Variants in KIF6 observed in about 807,000 individuals in gnomAD.
KIF6 encodes the protein kinesin-like protein KIF6.
KIF6 carries 106 observed loss-of-function variants against 112.7 expected under a neutral mutation model. The ratio of observed to expected loss-of-function variants is 0.94; its 90% CI spans 0.80 to 1.11. The LOEUF is 1.11. KIF6 is among the 50% of genes least tolerant of loss of function. KIF6 has a pLI of 0.00. For synonymous variants in KIF6, 339 were observed against 339.9 expected (o/e 1.00, Z 0.03); for missense variants, 929 against 964.0 (o/e 0.96, Z 0.48).
chr6:39,610,805 T>C (rs1216674387), intron 6 of KIF6, among the ~76,000 whole-genome samples: 1 of 152,156 alleles, frequency 6.6e-6, no homozygotes, highest in Non-Finnish European at 1.5e-5. Flanking sequence ...TGTAACATGG[T>C]AATTATTATT....
At chr6:39,631,649 G>T (rs1282535030) in intron 5 of KIF6, among the ~76,000 whole-genome samples, 1 of 150,766 alleles carries the variant, frequency 6.6e-6, no homozygotes, top group East Asian at 1.9e-4. Context: ...GGATTCAATT[G>T]TCAATATTTT....
chr6:39,409,256 C>T (rs1414598884), intron 15 of KIF6, among the ~76,000 whole-genome samples: 2 of 152,224 alleles, frequency 1.3e-5, no homozygotes, highest in East Asian at 3.9e-4. Context: ...TATCTCTGTC[C>T]AAGCATTGAC....
In KIF6 at chr6:39,603,612, G is replaced by T. The variant is rs1410451441; in HGVS notation, c.640-7352C>A. Among the ~76,000 whole-genome samples the T allele has an allele frequency of 3.3e-5, 5 of 151,550 alleles. No individual in the cohort carries two copies. In the South Asian group the frequency reaches 6.2e-4, roughly 19 times the overall value. On this transcript the variant is annotated intron_variant, in intron 6 of 22. Transcript: ENST00000287152. ...ATAATTCTGATTTGGGGGCAAAAAA[G>T]AATTTTTTTCTTTTTTCTCTTCCTA...
chr6:39,644,515 A>G (rs561622209), intron 3 of KIF6, among the ~76,000 whole-genome samples: 1 of 152,322 alleles, frequency 6.6e-6, no homozygotes, highest in African/African-American at 2.4e-5. Flanking sequence ...TGCTACAATA[A>G]GGATAAAACT....
intron 10 of KIF6, among the ~76,000 whole-genome samples, chr6:39,555,756 CA>C (rs1185027130): frequency 1.3e-5 from 2 of 151,738 alleles, no homozygotes; most frequent in Non-Finnish European, 1.5e-5. Context: ...TGTTTGAGAC[CA>C]GCCTGGCCAA....
intron 16 of KIF6, among the ~76,000 whole-genome samples, chr6:39,380,675 C>A (rs1766856297): frequency 6.6e-6 from 1 of 151,902 alleles, no homozygotes; most frequent in African/African-American, 2.4e-5. Flanking sequence ...TAATACTTGC[C>A]AATTTCCTTG....
rs187674856 is a variant in KIF6 at position 39,346,360 on chromosome 6, C to G, written c.2231+116G>C. The G allele has an allele frequency of 3.4e-3, 2,411 of 708,420 alleles. 12 individuals carry two copies. The highest frequency in any genetic ancestry group is 5.4e-3 in the Non-Finnish European group (2,079 of 384,342). 43.9% of individuals were successfully genotyped at this position (708,420 alleles called of 1,614,324 possible). ...GATTAAGTCATGAAGGTAGAACTCT[C>G]ATGAATGGGATTAGAGTCCTTATAA... On this transcript the variant is annotated intron_variant, in intron 20 of 22. Coordinates refer to ENST00000287152, the MANE Select transcript of KIF6 (RefSeq NM_145027.6).
At position 39,586,368 on chromosome 6, in the gene KIF6, T is replaced by C; in HGVS notation, c.883A>G (p.Ile295Val). 2 of 1,614,146 alleles carry C rather than the reference T, an allele frequency of 1.2e-6. No homozygotes were observed. The highest frequency in any genetic ancestry group is 1.7e-6 in the Non-Finnish European group (2 of 1,179,974). ...IALSEKHRSH[I>V]PYRNSMMTSV... Reference sequence around the variant, plus strand: ...GTCATCATGGAGTTTCTATAAGGAATGTGCGAACGGTGCTTTTCTGAAAGG... The same window carrying C: ...GTCATCATGGAGTTTCTATAAGGAACGTGCGAACGGTGCTTTTCTGAAAGG... The change falls in exon 8 of 23, where the codon ATT (isoleucine) becomes GTT (valine). Residue 295 changes from isoleucine to valine, a missense_variant. Physicochemically the swap from Ile to Val is conservative, Grantham distance 29. Around this residue, in one of 2 missense-constraint regions of KIF6, gnomAD observed 688 missense variants for 662.7 expected, o/e 1.04. Transcript: ENST00000287152.
At chr6:39,526,965 G>T (rs1313660946) in intron 13 of KIF6, among the ~76,000 whole-genome samples, 3 of 152,146 alleles carry the variant, frequency 2.0e-5, no homozygotes, top group African/African-American at 7.2e-5. Context: ...GAAACAATAT[G>T]ATTTTTATTC....
At chr6:39,349,263 G>A (rs143996860) in intron 19 of KIF6, among the ~76,000 whole-genome samples, 122 of 152,256 alleles carry the variant, frequency 8.0e-4, no homozygotes, top group African/African-American at 2.8e-3. Context: ...TATTCTGATG[G>A]GTGGCACAGC....
intron 13 of KIF6, among the ~76,000 whole-genome samples, chr6:39,513,440 G>A (rs1582022237): frequency 6.6e-6 from 1 of 152,160 alleles, no homozygotes; most frequent in Non-Finnish European, 1.5e-5. Context: ...AAGCATCAGG[G>A]CCCCTTACTT....
intron 3 of KIF6, among the ~76,000 whole-genome samples, chr6:39,669,286 C>T (rs1786666308): frequency 6.6e-6 from 1 of 152,194 alleles, no homozygotes; most frequent in South Asian, 2.1e-4. Context: ...ACACCACCAC[C>T]ACTCTGATTC....
intron 10 of KIF6, among the ~76,000 whole-genome samples, chr6:39,566,044 G>T (rs750301606): frequency 1.3e-5 from 2 of 152,152 alleles, no homozygotes; most frequent in Non-Finnish European, 2.9e-5. Flanking sequence ...TCCACATCTC[G>T]ATGTTGGACA....
chr6:39,592,637 T>C (rs1165259626), intron 7 of KIF6, among the ~76,000 whole-genome samples: 1 of 152,240 alleles, frequency 6.6e-6, no homozygotes, highest in Non-Finnish European at 1.5e-5. Flanking sequence ...AGGACAAGTA[T>C]GTATGTCTCC....
At chr6:39,495,501 A>G (rs1193890436) in intron 13 of KIF6, among the ~76,000 whole-genome samples, 2 of 152,132 alleles carry the variant, frequency 1.3e-5, no homozygotes, top group Admixed American at 6.5e-5. Context: ...CTCTTTCCCC[A>G]GGGGCCACCT....
At chr6:39,692,311 CAATA>C (rs1308505787) in intron 3 of KIF6, among the ~76,000 whole-genome samples, 9 of 152,252 alleles carry the variant, frequency 5.9e-5, no homozygotes, top group African/African-American at 2.2e-4. Flanking sequence ...TTTTATCTTC[CAATA>C]TTTTGGTAGA....
chr6:39,510,330 G>A (rs1274076634), intron 13 of KIF6, among the ~76,000 whole-genome samples: 3 of 152,034 alleles, frequency 2.0e-5, no homozygotes, highest in Non-Finnish European at 4.4e-5. Context: ...CTGACCTCAT[G>A]ATCCATCTGC....
intron 3 of KIF6, among the ~76,000 whole-genome samples, chr6:39,710,478 A>AG: frequency 6.6e-6 from 1 of 151,902 alleles, no homozygotes; most frequent in East Asian, 1.9e-4. Flanking sequence ...AGAAAAAAAA[A>AG]AAAACCCAGT....
chr6:39,561,840 T>C (rs1369807195), intron 10 of KIF6, among the ~76,000 whole-genome samples: 1 of 152,126 alleles, frequency 6.6e-6, no homozygotes, highest in African/African-American at 2.4e-5. Flanking sequence ...GTTTACAAGG[T>C]TTGGCATGAA....
Sources: allele counts gnomAD v4.1 joint callset (sites outside exome capture counted in the v4.1 genomes callset), GRCh38; gene constraint gnomAD v4.1.1; regional missense constraint gnomAD v4.1.1; transcripts MANE v1.5; gene names NCBI Gene and HGNC (gene_info 2026-07-23, HGNC 2026-07-21).